Variants in MACROD2 observed in about 807,000 individuals in gnomAD.
MACROD2 encodes the protein ADP-ribose glycohydrolase MACROD2.
In MACROD2, 36 loss-of-function variants were observed where a neutral mutation model predicts 70.4. That is an observed-to-expected ratio of 0.51 (90% confidence interval 0.39 to 0.68). The LOEUF (loss-of-function observed/expected upper bound fraction) is 0.68. Ranked by LOEUF, MACROD2 falls within the 30% of genes least tolerant of loss-of-function variation. MACROD2 has a pLI of 0.00. For synonymous variants in MACROD2, 172 were observed against 178.8 expected (o/e 0.96, Z 0.30); for missense variants, 496 against 538.4 (o/e 0.92, Z 0.78).
chr20:14,227,478 G>C (rs1199690019), intron 3 of MACROD2, among the ~76,000 whole-genome samples: 1 of 151,938 alleles, frequency 6.6e-6, no homozygotes, highest in Non-Finnish European at 1.5e-5. Flanking sequence ...AACAACTCCA[G>C]ATGCGCCGCC....
chr20:15,371,687 G>A (rs565991845), intron 6 of MACROD2, among the ~76,000 whole-genome samples: 110 of 152,206 alleles, frequency 7.2e-4, no homozygotes, highest in South Asian at 2.5e-3. Flanking sequence ...ATAGCCAAGA[G>A]TTTTCTTCGG....
intron 4 of MACROD2, among the ~76,000 whole-genome samples, chr20:14,676,996 G>T (rs908601627): frequency 6.6e-6 from 1 of 152,030 alleles, no homozygotes; most frequent in South Asian, 2.1e-4. Context: ...TTAGAACTTT[G>T]TCTTGGTTCT....
chr20:14,114,167 A>G (rs984825691), intron 3 of MACROD2, among the ~76,000 whole-genome samples: 8 of 152,046 alleles, frequency 5.3e-5, no homozygotes, highest in Admixed American at 4.6e-4. Context: ...TTTTATGTAA[A>G]AGTATCTGCT....
At chr20:14,951,297 ACT>A (rs2074474080) in intron 5 of MACROD2, among the ~76,000 whole-genome samples, 1 of 152,024 alleles carries the variant, frequency 6.6e-6, no homozygotes, top group South Asian at 2.1e-4. Flanking sequence ...CAAGTAGGTA[ACT>A]GGCCATGGAT....
At chr20:15,314,226 G>T (rs1321218049) in intron 6 of MACROD2, among the ~76,000 whole-genome samples, 1 of 151,964 alleles carries the variant, frequency 6.6e-6, no homozygotes, top group African/African-American at 2.4e-5. Context: ...TTGTCAGCAC[G>T]CTGGAAAACA....
chr20:15,716,175 A>T lies in MACROD2; in HGVS notation c.646-146570A>T, dbSNP rs372427757. 1.9e-4 allele frequency among the ~76,000 whole-genome samples: 29 copies of T among 152,300 alleles called. No homozygotes were observed. The East Asian group carries it at 3.7e-3, about 19-fold the overall frequency. On this transcript the variant is annotated intron_variant, in intron 8 of 17. Coordinates refer to ENST00000684519, the MANE Select transcript of MACROD2 (RefSeq NM_001351661.2). ...ACCATTAAAAATAAAAACTATTTAA[A>T]AATTTGTCCCAAATATCCGCTTAAA...
intron 3 of MACROD2, among the ~76,000 whole-genome samples, chr20:14,399,112 C>T (rs774223978): frequency 1.6e-4 from 25 of 151,906 alleles, no homozygotes; most frequent in Middle Eastern, 6.8e-3. Context: ...CTCCGCCTCC[C>T]GGGTTCAAGT....
At chr20:15,256,424 C>G (rs751992741) in intron 6 of MACROD2, among the ~76,000 whole-genome samples, 17 of 151,560 alleles carry the variant, frequency 1.1e-4, no homozygotes, top group Non-Finnish European at 2.1e-4. Flanking sequence ...GTGTGGAATA[C>G]ATGGAAGATA....
At position 15,583,227 on chromosome 20, in the gene MACROD2, G is replaced by C. The variant is rs573035873; in HGVS notation, c.645+83380G>C. On this transcript the variant is annotated intron_variant, in intron 8 of 17. Coordinates refer to ENST00000684519, the MANE Select transcript of MACROD2 (RefSeq NM_001351661.2). ...TGCCTACCTCTGGAACTAGTTCTGT[G>C]GTCTCTTTCCCTCTCAGTTATCTCT... Among the ~76,000 whole-genome samples, 5 of 152,172 alleles carry C rather than the reference G, an allele frequency of 3.3e-5. No individual in the cohort carries two copies. In the East Asian group the frequency reaches 9.7e-4, roughly 29 times the overall value.
intron 3 of MACROD2, among the ~76,000 whole-genome samples, chr20:14,362,931 AATT>A (rs1397196208): frequency 6.6e-6 from 1 of 152,190 alleles, no homozygotes; most frequent in Non-Finnish European, 1.5e-5. Context: ...CATATAATTT[AATT>A]ATTAATAATG....
chr20:15,941,214 T>C (rs2065747209), intron 12 of MACROD2, among the ~76,000 whole-genome samples: 1 of 152,218 alleles, frequency 6.6e-6, no homozygotes, highest in Admixed American at 6.5e-5. Flanking sequence ...TATGTAAGAC[T>C]AAATGTGAAG....
intron 3 of MACROD2, among the ~76,000 whole-genome samples, chr20:14,260,438 T>C (rs1161479710): frequency 6.6e-6 from 1 of 152,146 alleles, no homozygotes; most frequent in Non-Finnish European, 1.5e-5. Context: ...AACCCTAAGC[T>C]CCCTTTTTTT....
At chr20:14,717,541 T>G (rs1024189216) in intron 5 of MACROD2, among the ~76,000 whole-genome samples, 1 of 152,068 alleles carries the variant, frequency 6.6e-6, no homozygotes, top group African/African-American at 2.4e-5. Context: ...GTAGTTTTTT[T>G]TTTTTTTGGC....
chr20:14,051,933 C>T (rs372963382), intron 2 of MACROD2: 5 of 517,732 alleles, frequency 9.7e-6, no homozygotes, highest in Non-Finnish European at 1.5e-5. Flanking sequence ...ATGCATCTCT[C>T]ATGGTTGAAG....
intron 5 of MACROD2, among the ~76,000 whole-genome samples, chr20:15,219,197 T>C (rs1008878311): frequency 2.0e-5 from 3 of 152,216 alleles, no homozygotes; most frequent in African/African-American, 7.2e-5. Context: ...TGATGTTGCA[T>C]TGGAAAAGTA....
At chr20:15,590,347 A>G (rs1166200800) in intron 8 of MACROD2, among the ~76,000 whole-genome samples, 5 of 152,202 alleles carry the variant, frequency 3.3e-5, no homozygotes, top group Non-Finnish European at 1.5e-5. Flanking sequence ...CAGAGGGATT[A>G]GGTATCTTTC....
intron 8 of MACROD2, among the ~76,000 whole-genome samples, chr20:15,666,508 A>G (rs78085216): frequency 0.019 from 2,945 of 152,284 alleles, 102 homozygotes; most frequent in African/African-American, 0.067. Context: ...GTTTGACCCT[A>G]ATAAAAATTT....
At chr20:15,464,159 A>G (rs761257612) in intron 7 of MACROD2, among the ~76,000 whole-genome samples, 1 of 152,134 alleles carries the variant, frequency 6.6e-6, no homozygotes, top group African/African-American at 2.4e-5. Context: ...AGCAATCCGC[A>G]TGCGCCACCA....
In MACROD2 at chr20:14,620,209, A is replaced by C. The variant is rs114722829; in HGVS notation, c.302-64634A>C. 9.8e-3 allele frequency among the ~76,000 whole-genome samples: 1,487 copies of C among 152,094 alleles called. 21 individuals carry two copies. Among genetic ancestry groups the C allele is most frequent in the African/African-American group, 0.034 (1,394 of 41,496 alleles). On this transcript the variant is annotated intron_variant, in intron 4 of 17. Transcript: ENST00000684519. ...TGCATAAGGATGATGTGCCACTTCC[A>C]TGTTGAAGCTTCAAAATCTAGCGTG...
Sources: allele counts gnomAD v4.1 joint callset (sites outside exome capture counted in the v4.1 genomes callset), GRCh38; gene constraint gnomAD v4.1.1; transcripts MANE v1.5; gene names NCBI Gene and HGNC (gene_info 2026-07-23, HGNC 2026-07-21).